PDSS1: variants seen among roughly 807,000 people sequenced by gnomAD.
PDSS1 encodes the protein all trans-polyprenyl-diphosphate synthase PDSS1.
Under a neutral mutation model 57.5 loss-of-function variants are expected in PDSS1, and 43 were observed. The observed-to-expected ratio is 0.75, with a 90% CI of 0.59 to 0.96. The LOEUF (loss-of-function observed/expected upper bound fraction) is 0.96, where lower values mean the gene tolerates loss of function less well. Ranked by LOEUF, PDSS1 falls within the 50% of genes least tolerant of loss-of-function variation. PDSS1 has a pLI of 0.00. For synonymous variants in PDSS1, 175 were observed against 191.3 expected (o/e 0.91, Z 0.70); for missense variants, 438 against 527.8 (o/e 0.83, Z 1.67).
chr10:26,704,645 C>A, intron 2 of PDSS1, 32 bp from the exon 3 acceptor site: 1 of 913,434 alleles, frequency 1.1e-6, no homozygotes, highest in Non-Finnish European at 1.8e-6. Context: ...CAGGAATATT[C>A]TTACAAGTTT....
At chr10:26,707,943 C>A (rs967664987) in intron 4 of PDSS1, among the ~76,000 whole-genome samples, 1 of 152,226 alleles carries the variant, frequency 6.6e-6, no homozygotes, top group African/African-American at 2.4e-5. Context: ...TCTAGTCTGC[C>A]TCTTGTCAGT....
At position 26,704,682 on chromosome 10, in the gene PDSS1, C is replaced by T; in HGVS notation, c.168C>T (p.Pro56=). ...RRKGLDLSQI[P]YINLVKHLTS... is the part of the protein sequence containing the mutation. ...TTGACATTTTTATTTTATAGATACC[C>T]TATATTAATCTTGTGAAGCATTTAA... Residue 56 remains proline, a synonymous_variant, in exon 3 of 12, where the codon CCC becomes CCT. Transcript: ENST00000376215. The T allele has an allele frequency of 7.6e-7, 1 of 1,308,716 alleles. No individual in the cohort carries two copies. The highest frequency in any genetic ancestry group is 1.1e-6 in the Non-Finnish European group (1 of 902,264). The allele number at this position is 1,308,716 out of a possible 1,614,324, so 81.1% of individuals were successfully genotyped here.
chr10:26,741,730 CAG>C (rs1017029744), intron 10 of PDSS1, among the ~76,000 whole-genome samples: 4 of 152,082 alleles, frequency 2.6e-5, no homozygotes, highest in Admixed American at 2.6e-4. Flanking sequence ...TGGCAGAGAC[CAG>C]AGATACTGGT....
At chr10:26,741,496 G>T (rs768550560) in intron 10 of PDSS1, among the ~76,000 whole-genome samples, 3 of 149,506 alleles carry the variant, frequency 2.0e-5, no homozygotes, top group Non-Finnish European at 4.4e-5. Context: ...AGGAGGGGGG[G>T]AAAAACAACA....
chr10:26,714,093 A>G (rs1835481296), intron 5 of PDSS1, among the ~76,000 whole-genome samples: 1 of 152,100 alleles, frequency 6.6e-6, no homozygotes, highest in Non-Finnish European at 1.5e-5. Context: ...TTTAAACTTC[A>G]TCTCAGAGTC....
intron 6 of PDSS1, among the ~76,000 whole-genome samples, chr10:26,720,577 A>T (rs1199403841): frequency 6.6e-6 from 1 of 152,196 alleles, no homozygotes; most frequent in Non-Finnish European, 1.5e-5. Flanking sequence ...TTTCTAATAG[A>T]ATTCCTTTGG....
chr10:26,702,562 A>G lies in PDSS1; in HGVS notation c.162+368A>G, dbSNP rs186231007. Among the ~76,000 whole-genome samples, 446 of 152,296 alleles carry G rather than the reference A, an allele frequency of 2.9e-3. 1 individual carries two copies. Among genetic ancestry groups the G allele is most frequent in the Admixed American group, 7.3e-3 (112 of 15,304 alleles). On this transcript the variant is annotated intron_variant, in intron 2 of 11. Coordinates refer to ENST00000376215, the MANE Select transcript of PDSS1 (RefSeq NM_014317.5). ...CCTTGCTTTCCCTTTTCCTTCTGCC[A>G]TGATTGTAAGTTTCTTGAGGCCTCC... is the stretch of plus-strand genomic sequence containing the variant.
intron 8 of PDSS1, 74 bp downstream of exon 8, chr10:26,724,197 T>C (rs1835881422): frequency 4.7e-6 from 5 of 1,057,096 alleles, no homozygotes; most frequent in African/African-American, 1.6e-5. Flanking sequence ...CTAGAAAATA[T>C]TTCGGTGAAG....
intron 10 of PDSS1, among the ~76,000 whole-genome samples, chr10:26,741,612 T>C (rs924565089): frequency 1.3e-5 from 2 of 152,194 alleles, no homozygotes; most frequent in East Asian, 1.9e-4. Context: ...CTGCACATAA[T>C]GCCCTCTGCT....
At chr10:26,720,197 G>A (rs1435680601) in intron 5 of PDSS1, 21 bp from the exon 6 acceptor site, 10 of 1,612,210 alleles carry the variant, frequency 6.2e-6, no homozygotes, top group Non-Finnish European at 8.5e-6. Context: ...CTGTTAAAAA[G>A]CATTGCTTTC....
intron 5 of PDSS1, among the ~76,000 whole-genome samples, chr10:26,719,429 A>G (rs1458205802): frequency 2.0e-5 from 3 of 152,240 alleles, no homozygotes; most frequent in African/African-American, 4.8e-5. Context: ...AAGTTTTACA[A>G]ACATCTTCTG....
intron 8 of PDSS1, among the ~76,000 whole-genome samples, chr10:26,730,659 G>A (rs536959471): frequency 1.1e-4 from 16 of 152,102 alleles, no homozygotes; most frequent in African/African-American, 3.4e-4. Flanking sequence ...AGCTCCAAAA[G>A]TCAGAACTAT....
intron 10 of PDSS1, chr10:26,740,578 C>T (rs1172075672): frequency 4.4e-6 from 2 of 454,292 alleles, no homozygotes; most frequent in East Asian, 1.4e-4. Context: ...TATGTATGCC[C>T]TATTTTTTCT....
chr10:26,721,680 G>A lies in PDSS1; in HGVS notation c.609+1321G>A, dbSNP rs142696338. 5.3e-4 allele frequency among the ~76,000 whole-genome samples: 81 copies of A among 152,306 alleles called. No homozygotes were observed. The East Asian group carries it at 0.011, about 21-fold the overall frequency. On this transcript the variant is annotated intron_variant, in intron 6 of 11. Coordinates refer to ENST00000376215, the MANE Select transcript of PDSS1 (RefSeq NM_014317.5). ...GGTAACTCTATGACCCATCCCTGCC[G>A]TCAGCTGTATCTGTTTTCAGGCATA...
intron 2 of PDSS1, 50 bp from the exon 3 acceptor site, chr10:26,704,627 C>G: frequency 2.4e-6 from 2 of 825,648 alleles, no homozygotes; most frequent in East Asian, 2.4e-5. Context: ...TCCAATGTTA[C>G]AGTTTTTCAG....
rs369537004 is a variant in PDSS1 at position 26,730,383 on chromosome 10, A to G, written c.832-4857A>G. On this transcript the variant is annotated intron_variant, in intron 8 of 11. Coordinates refer to ENST00000376215, the MANE Select transcript of PDSS1 (RefSeq NM_014317.5). ...CTAGCACTTTGGGAGGCCAAGGCAG[A>G]TGGATTGCTTGAGCCCAGGAGTTTG... Among the ~76,000 whole-genome samples the G allele has an allele frequency of 2.0e-5, 3 of 151,648 alleles. No homozygotes were observed. The East Asian group carries it at 5.9e-4, about 30-fold the overall frequency.
intron 3 of PDSS1, among the ~76,000 whole-genome samples, chr10:26,705,004 A>T (rs2132218112): frequency 6.6e-6 from 1 of 151,918 alleles, no homozygotes; most frequent in African/African-American, 2.4e-5. Context: ...AAAAACAGGA[A>T]TATAATAAAG....
At chr10:26,722,246 C>T (rs1835812865) in intron 6 of PDSS1, among the ~76,000 whole-genome samples, 1 of 152,194 alleles carries the variant, frequency 6.6e-6, no homozygotes, top group African/African-American at 2.4e-5. Context: ...CATATACTTA[C>T]ATCAGGATGT....
At position 26,697,860 on chromosome 10, in the gene PDSS1, G is replaced by A. The variant is rs978612329; in HGVS notation, c.129+20G>A. 7.7e-7 allele frequency: 1 copy of A among 1,292,740 alleles called. No homozygotes were observed. The highest frequency in any genetic ancestry group is 3.3e-5 in the East Asian group (1 of 30,562). 80.1% of individuals were successfully genotyped at this position (1,292,740 alleles called of 1,614,324 possible). A position where few individuals can be genotyped will look rare whatever the true frequency, so the allele number is the denominator to read the frequency against. On this transcript the variant is annotated intron_variant, in intron 1 of 11. Coordinates refer to ENST00000376215, the MANE Select transcript of PDSS1 (RefSeq NM_014317.5). ...GCGCAGGTGAGGTTGGGAGGCGCGC[G>A]CCCGGCGGGGCTCAGAGGTCACGGC...
Sources: gnomAD v4.1 joint callset for allele counts (sites outside exome capture counted in the v4.1 genomes callset) on GRCh38, gnomAD v4.1.1 for gene constraint, MANE v1.5 for transcripts, NCBI Gene and HGNC (gene_info 2026-07-23, HGNC 2026-07-21) for gene names.